Variants in HERC2 observed in about 807,000 individuals in gnomAD.
HERC2 encodes the protein E3 ubiquitin-protein ligase HERC2.
A neutral mutation model predicts 537.7 loss-of-function variants in HERC2; 102 were observed. That is an observed-to-expected ratio of 0.19 (90% CI 0.16 to 0.22). The LOEUF is 0.22. HERC2 is among the 10% of genes least tolerant of loss of function. The probability of loss-of-function intolerance (pLI) is 1.00; values close to 1 mark genes in which losing one functional copy is unlikely to be tolerated. For missense variants in HERC2, 4,236 were observed against 6,198.2 expected (o/e 0.68, Z 10.63); for synonymous variants, 2,224 against 2,466.2 (o/e 0.90, Z 2.91).
At chr15:28,116,169 G>A (rs1327138778) in intron 88 of HERC2, among the ~76,000 whole-genome samples, 2 of 151,870 alleles carry the variant, frequency 1.3e-5, no homozygotes, top group East Asian at 1.9e-4. Context: ...CACCTCGTTC[G>A]CTTCCACAAT....
In HERC2 at chr15:28,149,330, A is replaced by G. The variant is rs192982529; in HGVS notation, c.10901-2986T>C. Among the ~76,000 whole-genome samples the G allele has an allele frequency of 4.8e-4, 73 of 151,688 alleles. No homozygotes were observed. In the East Asian group the frequency reaches 9.6e-3, roughly 20 times the overall value. ...GAACATCACCGAAAATGGCCACACC[A>G]ACATACATTCTAGTAAAATTACCAA... is the stretch of plus-strand genomic sequence containing the variant. On this transcript the variant is annotated intron_variant, in intron 70 of 92. Coordinates refer to ENST00000261609, the MANE Select transcript of HERC2 (RefSeq NM_004667.6).
At chr15:28,130,116 T>G (rs1889952395) in intron 83 of HERC2, 47 bp downstream of exon 83, 4 of 1,609,022 alleles carry the variant, frequency 2.5e-6, no homozygotes, top group Non-Finnish European at 3.4e-6. Context: ...TGCTCAACCC[T>G]CTTAGATTCA....
At chr15:28,264,292 T>C (rs1193705724) in intron 14 of HERC2, among the ~76,000 whole-genome samples, 1 of 152,196 alleles carries the variant, frequency 6.6e-6, no homozygotes, top group Non-Finnish European at 1.5e-5. Flanking sequence ...ATGAGTGGCA[T>C]GCCTGCATGC....
intron 10 of HERC2, 139 bp downstream of exon 10, chr15:28,270,556 T>G (rs1467362043): frequency 3.1e-5 from 25 of 811,668 alleles, no homozygotes; most frequent in South Asian, 1.3e-4. Context: ...CACCTTCAAC[T>G]GCAAACGCGT....
intron 55 of HERC2, among the ~76,000 whole-genome samples, chr15:28,188,258 A>G (rs10152874): frequency 0.13 from 19,429 of 152,178 alleles, 4,173 homozygotes; most frequent in African/African-American, 0.44. Flanking sequence ...AAGAGTAATT[A>G]TTGGCTGGGC....
rs1379670617 is a variant in HERC2, at chr15:28,142,076, A to AATTCACAGTGTCAGTTCACTC, written c.11700+141_11700+161dup. Among the ~76,000 whole-genome samples, 12 of 152,278 alleles carry AATTCACAGTGTCAGTTCACTC rather than the reference A, an allele frequency of 7.9e-5. No individual in the cohort carries two copies. In the South Asian group the frequency reaches 2.3e-3, roughly 29 times the overall value. ...TTTACTAAAAATAAACTTTAACTGAAATTCACAGTGTCAGTTCACTCATTT... is the reference window on the plus strand; with the variant it reads ...TTTACTAAAAATAAACTTTAACTGAAATTCACAGTGTCAGTTCACTCATTCACAGTGTCAGTTCACTCATTT... On this transcript the variant is annotated intron_variant, in intron 76 of 92. Transcript: ENST00000261609.
intron 17 of HERC2, among the ~76,000 whole-genome samples, chr15:28,256,603 G>A (rs1401718822): frequency 2.0e-5 from 3 of 152,082 alleles, no homozygotes; most frequent in Admixed American, 2.0e-4. Context: ...CCAACAATCT[G>A]CACCAAACAC....
chr15:28,200,974 A>G (rs1897848328), intron 48 of HERC2, among the ~76,000 whole-genome samples: 1 of 144,950 alleles, frequency 6.9e-6, no homozygotes, highest in Admixed American at 7.0e-5. Flanking sequence ...TTACATAAGA[A>G]AAACAAGGAA....
intron 24 of HERC2, among the ~76,000 whole-genome samples, 179 bp from the exon 25 acceptor site, chr15:28,238,396 T>A (rs1326014700): frequency 1.3e-5 from 2 of 152,166 alleles, no homozygotes; most frequent in East Asian, 3.9e-4. Context: ...TGAAATGAGT[T>A]CCAAGTATTA....
chr15:28,146,777 C>A (rs544227410), intron 70 of HERC2, among the ~76,000 whole-genome samples: 3 of 146,342 alleles, frequency 2.0e-5, no homozygotes, highest in South Asian at 4.4e-4. Flanking sequence ...AACTGGAGAA[C>A]CGCTTGGTGT....
intron 25 of HERC2, among the ~76,000 whole-genome samples, chr15:28,237,368 G>A (rs1314240277): frequency 2.0e-5 from 3 of 152,192 alleles, no homozygotes; most frequent in African/African-American, 7.2e-5. Flanking sequence ...ACAGATACAT[G>A]ATTTGGCTAG....
At chr15:28,115,741 T>C (rs967189017) in intron 88 of HERC2, among the ~76,000 whole-genome samples, 200 bp from the exon 89 acceptor site, 2 of 34,822 alleles carry the variant, frequency 5.7e-5, no homozygotes, top group East Asian at 4.5e-3. Context: ...CCTAAAAGCC[T>C]CTAACTCTTC....
chr15:28,227,051 G>A (rs1901259138), intron 35 of HERC2, among the ~76,000 whole-genome samples: 1 of 152,230 alleles, frequency 6.6e-6, no homozygotes, highest in Non-Finnish European at 1.5e-5. Context: ...AAGGCAGGCA[G>A]ATCACCTGAG....
At chr15:28,251,961 G>A (rs1217528063) in intron 20 of HERC2, among the ~76,000 whole-genome samples, 1 of 152,084 alleles carries the variant, frequency 6.6e-6, no homozygotes, top group Non-Finnish European at 1.5e-5. Context: ...TACATATGTA[G>A]CACATTTCAA....
intron 39 of HERC2, 97 bp from the exon 40 acceptor site, chr15:28,214,899 G>C: frequency 1.0e-6 from 1 of 1,004,504 alleles, no homozygotes; most frequent in Non-Finnish European, 1.4e-6. Flanking sequence ...TTGAGACAGA[G>C]TCTCACACTG....
intron 2 of HERC2, among the ~76,000 whole-genome samples, chr15:28,315,444 G>C (rs1202985017): frequency 6.6e-6 from 1 of 152,240 alleles, no homozygotes; most frequent in African/African-American, 2.4e-5. Flanking sequence ...TATGGGGTCG[G>C]ACAAGGTTTA....
At chr15:28,146,421 A>ATTTAGTTAAAAAC in intron 70 of HERC2, 77 bp from the exon 71 acceptor site, 1 of 942,114 alleles carries the variant, frequency 1.1e-6, no homozygotes, top group East Asian at 2.4e-5. Flanking sequence ...AACTAAAACC[A>ATTTAGTTAAAAAC]CATTTAACAG....
rs1596254443 is a variant in HERC2 at position 28,215,770 on chromosome 15, G to A, written c.6061C>T (p.His2021Tyr). The change falls in exon 39 of 93, where the codon CAC becomes TAC. Residue 2021 changes from histidine to tyrosine, a missense_variant. By Grantham distance (83) the His-to-Tyr change is moderately conservative. Coordinates refer to ENST00000261609, the MANE Select transcript of HERC2 (RefSeq NM_004667.6). ...AACCCCAGCGTGCACCAGCTCCGGTGTTGCTCCCTGTACACCAGCCTGTTT... is the reference window on the plus strand; with the variant it reads ...AACCCCAGCGTGCACCAGCTCCGGTATTGCTCCCTGTACACCAGCCTGTTT... ...SPNRLVYREQ[H>Y]RSWCTLGFVR... 6.2e-7 allele frequency: 1 copy of A among 1,611,870 alleles called. No individual in the cohort carries two copies. Among genetic ancestry groups the A allele is most frequent in the East Asian group, 2.2e-5 (1 of 44,888 alleles).
intron 2 of HERC2, among the ~76,000 whole-genome samples, chr15:28,318,044 GA>G (rs2077135629): frequency 6.6e-6 from 1 of 152,140 alleles, no homozygotes; most frequent in Admixed American, 6.6e-5. Context: ...CTCCATTCTG[GA>G]CTTATGCTCA....
Sources: allele counts gnomAD v4.1 joint callset (sites outside exome capture counted in the v4.1 genomes callset), GRCh38; gene constraint gnomAD v4.1.1; transcripts MANE v1.5; gene names NCBI Gene and HGNC (gene_info 2026-07-23, HGNC 2026-07-21).